VPS8: variants seen among roughly 807,000 people sequenced by gnomAD.
The protein encoded by VPS8 is vacuolar protein sorting-associated protein 8 homolog.
Under a neutral mutation model 216.4 loss-of-function variants are expected in VPS8, and 129 were observed. That is an observed-to-expected ratio of 0.60 (90% confidence interval 0.52 to 0.69). The LOEUF (loss-of-function observed/expected upper bound fraction) is 0.69. VPS8 is among the 30% of genes least tolerant of loss of function. The probability of loss-of-function intolerance (pLI) is 0.00; values close to 1 mark genes in which losing one functional copy is unlikely to be tolerated. For synonymous variants in VPS8, 571 were observed against 565.4 expected (o/e 1.01, Z -0.14); for missense variants, 1,531 against 1,683.5 (o/e 0.91, Z 1.59).
At chr3:185,002,030 A>G (rs1226759074) in intron 45 of VPS8, among the ~76,000 whole-genome samples, 1 of 152,220 alleles carries the variant, frequency 6.6e-6, no homozygotes, top group Non-Finnish European at 1.5e-5. Flanking sequence ...GAAAAGGAGT[A>G]AGCTAGACGA....
chr3:184,897,246 T>G (rs1205709906), intron 23 of VPS8, among the ~76,000 whole-genome samples: 2 of 152,100 alleles, frequency 1.3e-5, no homozygotes, highest in African/African-American at 2.4e-5. Flanking sequence ...CCAGAGATGG[T>G]AACAGTGAGA....
chr3:184,947,414 T>C (rs1743893867), intron 36 of VPS8, among the ~76,000 whole-genome samples: 1 of 152,172 alleles, frequency 6.6e-6, no homozygotes, highest in Non-Finnish European at 1.5e-5. Context: ...GAGAAAATCA[T>C]AGATTAAAAC....
chr3:185,000,247 C>A (rs772661042), intron 45 of VPS8, among the ~76,000 whole-genome samples: 2 of 152,106 alleles, frequency 1.3e-5, no homozygotes, highest in African/African-American at 2.4e-5. Flanking sequence ...TTAAGTAGGG[C>A]TGATGATGGA....
At chr3:184,958,924 G>A (rs904957436) in intron 37 of VPS8, among the ~76,000 whole-genome samples, 1 of 151,570 alleles carries the variant, frequency 6.6e-6, no homozygotes, top group Non-Finnish European at 1.5e-5. Context: ...TGTCATATTT[G>A]GCCTGATTAT....
At chr3:184,948,691 A>C (rs1178474385) in intron 36 of VPS8, among the ~76,000 whole-genome samples, 1 of 152,208 alleles carries the variant, frequency 6.6e-6, no homozygotes, top group African/African-American at 2.4e-5. Flanking sequence ...AGAAAGTGAC[A>C]TTCTTTACTT....
intron 42 of VPS8, among the ~76,000 whole-genome samples, chr3:184,985,888 G>A (rs1250022845): frequency 6.6e-6 from 1 of 152,152 alleles, no homozygotes; most frequent in African/African-American, 2.4e-5. Context: ...CACACAAATG[G>A]ATACAATGCA....
At chr3:184,935,941 T>C (rs1437174195) in intron 34 of VPS8, among the ~76,000 whole-genome samples, 2 of 152,202 alleles carry the variant, frequency 1.3e-5, no homozygotes, top group African/African-American at 4.8e-5. Flanking sequence ...TTGGGAAGCT[T>C]TTGCTCCTTC....
intron 21 of VPS8, among the ~76,000 whole-genome samples, chr3:184,873,779 A>C (rs1339432228): frequency 6.6e-6 from 1 of 152,098 alleles, no homozygotes; most frequent in Non-Finnish European, 1.5e-5. Flanking sequence ...TGATTGTTCA[A>C]CTCTCAAGAC....
intron 36 of VPS8, among the ~76,000 whole-genome samples, chr3:184,956,578 A>C (rs985659668): frequency 6.6e-6 from 1 of 152,212 alleles, no homozygotes; most frequent in African/African-American, 2.4e-5. Flanking sequence ...GAAGGAACTA[A>C]GTTCTTTTGA....
intron 21 of VPS8, among the ~76,000 whole-genome samples, chr3:184,881,302 A>G (rs957278776): frequency 6.6e-6 from 1 of 152,038 alleles, no homozygotes; most frequent in Non-Finnish European, 1.5e-5. Context: ...TGTGTGATCT[A>G]TTTTGAGTTA....
At chr3:184,848,288 C>G (rs944667132) in intron 8 of VPS8, among the ~76,000 whole-genome samples, 5 of 151,980 alleles carry the variant, frequency 3.3e-5, no homozygotes, top group Non-Finnish European at 7.4e-5. Context: ...TAATTTGCAC[C>G]GTTAATTAGC....
chr3:185,004,008 G>A (rs1208141374), intron 45 of VPS8, among the ~76,000 whole-genome samples: 6 of 151,826 alleles, frequency 4.0e-5, no homozygotes, highest in African/African-American at 1.5e-4. Context: ...GATGGCGGCC[G>A]GGCAGAGACG....
intron 46 of VPS8, among the ~76,000 whole-genome samples, chr3:185,043,535 G>A (rs1268978983): frequency 6.6e-6 from 1 of 152,182 alleles, no homozygotes; most frequent in Non-Finnish European, 1.5e-5. Context: ...TTTCTGTGAT[G>A]GCAGAAGGCA....
rs1718300395 is a variant in VPS8 at position 184,824,532 on chromosome 3, T to C, written c.-88-13T>C. ...GTTTTGTTTTGTTTTTGTTTTTTTC[T>C]TTTTTTGAAAAGAGATAATCATTCA... On this transcript the variant is annotated splice_polypyrimidine_tract_variant and intron_variant, in intron 1 of 47. Transcript: ENST00000625842. 2.3e-5 allele frequency: 30 copies of C among 1,308,298 alleles called. No homozygotes were observed. The highest frequency in any genetic ancestry group is 3.0e-5 in the African/African-American group (2 of 67,464). 81.0% of individuals were successfully genotyped at this position (1,308,298 alleles called of 1,614,324 possible).
chr3:184,990,886 G>C (rs541748724), intron 42 of VPS8, among the ~76,000 whole-genome samples: 1 of 150,522 alleles, frequency 6.6e-6, no homozygotes, highest in Non-Finnish European at 1.5e-5. Flanking sequence ...TGATCTTCAC[G>C]TGTTTATTCA....
intron 24 of VPS8, among the ~76,000 whole-genome samples, chr3:184,900,672 T>C (rs994500470): frequency 4.6e-5 from 7 of 152,220 alleles, no homozygotes; most frequent in African/African-American, 1.7e-4. Context: ...AAAATTATAA[T>C]CTCAGATAAG....
At chr3:185,043,548 C>T (rs894353772) in intron 46 of VPS8, among the ~76,000 whole-genome samples, 7 of 152,258 alleles carry the variant, frequency 4.6e-5, no homozygotes, top group African/African-American at 1.4e-4. Context: ...AGAAGGCATT[C>T]GTGAACGCCT....
intron 21 of VPS8, among the ~76,000 whole-genome samples, chr3:184,874,760 C>A (rs1450915851): frequency 1.3e-5 from 2 of 152,082 alleles, no homozygotes; most frequent in African/African-American, 4.8e-5. Flanking sequence ...CCACATCCCA[C>A]AACTGAGATG....
At chr3:185,007,569 G>C (rs997826516) in intron 45 of VPS8, among the ~76,000 whole-genome samples, 3 of 152,166 alleles carry the variant, frequency 2.0e-5, no homozygotes, top group African/African-American at 7.2e-5. Flanking sequence ...TGGCGTTCTT[G>C]AGAGTAGGTA....
Sources: gnomAD v4.1 joint callset for allele counts (sites outside exome capture counted in the v4.1 genomes callset) on GRCh38, gnomAD v4.1.1 for gene constraint, MANE v1.5 for transcripts, NCBI Gene and HGNC (gene_info 2026-07-23, HGNC 2026-07-21) for gene names.